RBPMS: variants seen among roughly 807,000 people sequenced by gnomAD.
The protein encoded by RBPMS is RNA binding protein, mRNA processing factor.
RBPMS carries 7 observed loss-of-function variants against 26.8 expected under a neutral mutation model. The observed-to-expected ratio is 0.26, with a 90% CI of 0.15 to 0.49. The LOEUF is 0.49. Ranked by LOEUF, RBPMS falls within the 20% of genes least tolerant of loss-of-function variation. The pLI, the probability that RBPMS is intolerant of heterozygous loss-of-function variation, is 0.98. For missense variants in RBPMS, 186 were observed against 250.0 expected, an observed-to-expected ratio of 0.74 and a Z score of 1.73; for synonymous variants, 96 against 93.3, an observed-to-expected ratio of 1.03 and a Z score of -0.17.
intron 5 of RBPMS, among the ~76,000 whole-genome samples, chr8:30,528,496 T>C (rs1823848742): frequency 6.6e-6 from 1 of 152,190 alleles, no homozygotes; most frequent in Non-Finnish European, 1.5e-5. Flanking sequence ...TTAACATAGT[T>C]CTGGGAACTG....
At chr8:30,541,505 T>C (rs771228467) in intron 5 of RBPMS, among the ~76,000 whole-genome samples, 24 of 152,158 alleles carry the variant, frequency 1.6e-4, no homozygotes, top group Non-Finnish European at 3.1e-4. Context: ...GGGAAAGGAT[T>C]TGCCCTGCCT....
At chr8:30,520,868 A>G (rs557747763) in intron 5 of RBPMS, among the ~76,000 whole-genome samples, 2 of 152,258 alleles carry the variant, frequency 1.3e-5, no homozygotes, top group African/African-American at 4.8e-5. Context: ...ATTAGGAACT[A>G]CAGTAGAACA....
Position 30,529,471 on chromosome 8 carries a change from C to T in RBPMS, c.398-15023C>T, listed in dbSNP as rs1823965190. Among the ~76,000 whole-genome samples, 3 of 151,874 alleles carry T rather than the reference C, an allele frequency of 2.0e-5. No individual in the cohort carries two copies. In the South Asian group the frequency reaches 6.2e-4, roughly 32 times the overall value. ...GAGCTGAGATGGTGCCATTGCACTC[C>T]AGCCTGAGCAACAAGAGCAAAACTC... is the stretch of plus-strand genomic sequence containing the variant. On this transcript the variant is annotated intron_variant, in intron 5 of 8. Coordinates refer to ENST00000397323, the MANE Select transcript of RBPMS (RefSeq NM_001008710.3).
At chr8:30,539,629 TTTTC>T (rs1825164433) in intron 5 of RBPMS, among the ~76,000 whole-genome samples, 2 of 141,428 alleles carry the variant, frequency 1.4e-5, no homozygotes, top group African/African-American at 5.2e-5. Context: ...TTAAAAAATC[TTTTC>T]TTTTTTTTTT....
chr8:30,485,699 C>CA (rs34718838), intron 4 of RBPMS, among the ~76,000 whole-genome samples: 3 of 152,136 alleles, frequency 2.0e-5, no homozygotes, highest in Non-Finnish European at 2.9e-5. Context: ...GAACTCCCCC[C>CA]AAAGAAAATT....
intron 1 of RBPMS, among the ~76,000 whole-genome samples, chr8:30,393,356 A>G (rs911312546): frequency 6.6e-6 from 1 of 152,058 alleles, no homozygotes; most frequent in Admixed American, 6.6e-5. Flanking sequence ...TGCACCTAAA[A>G]GGAAAGATCA....
chr8:30,533,526 G>C (rs1274044105), intron 5 of RBPMS, among the ~76,000 whole-genome samples: 1 of 152,130 alleles, frequency 6.6e-6, no homozygotes, highest in Non-Finnish European at 1.5e-5. Context: ...TGCTCCTGTA[G>C]GTTTTTCTTG....
At chr8:30,387,799 C>T (rs1393899724) in intron 1 of RBPMS, among the ~76,000 whole-genome samples, 1 of 152,164 alleles carries the variant, frequency 6.6e-6, no homozygotes, top group Non-Finnish European at 1.5e-5. Flanking sequence ...TTCCTTCTAT[C>T]AATCAGTGTA....
At chr8:30,555,383 G>A (rs1414033590) in intron 6 of RBPMS, among the ~76,000 whole-genome samples, 1 of 152,190 alleles carries the variant, frequency 6.6e-6, no homozygotes, top group Non-Finnish European at 1.5e-5. Context: ...TCCCAGGGTC[G>A]TCCACGTTGC....
At chr8:30,527,126 A>G (rs1375462224) in intron 5 of RBPMS, among the ~76,000 whole-genome samples, 1 of 152,202 alleles carries the variant, frequency 6.6e-6, no homozygotes, top group Non-Finnish European at 1.5e-5. Context: ...TTCTCATCTA[A>G]AGATACTCTG....
At chr8:30,501,270 C>T (rs1333436777) in intron 4 of RBPMS, among the ~76,000 whole-genome samples, 3 of 138,442 alleles carry the variant, frequency 2.2e-5, no homozygotes, top group African/African-American at 7.8e-5. Context: ...ACCCCTGACC[C>T]CTCCCACCCC....
At chr8:30,412,980 C>A (rs1368876918) in intron 1 of RBPMS, among the ~76,000 whole-genome samples, 1 of 152,232 alleles carries the variant, frequency 6.6e-6, no homozygotes, top group Non-Finnish European at 1.5e-5. Flanking sequence ...TTGTTTAACA[C>A]CCTCACTTAA....
chr8:30,515,558 T>C (rs536307145), intron 5 of RBPMS, among the ~76,000 whole-genome samples: 89 of 152,356 alleles, frequency 5.8e-4, no homozygotes, highest in African/African-American at 2.0e-3. Flanking sequence ...TTAAACTAGA[T>C]ACTAAAGAGA....
chr8:30,438,428 C>A (rs1812715247), intron 1 of RBPMS, among the ~76,000 whole-genome samples: 1 of 152,122 alleles, frequency 6.6e-6, no homozygotes, highest in Non-Finnish European at 1.5e-5. Flanking sequence ...AAAATAGCAG[C>A]CAAAAATGCC....
rs76298299 is a variant in RBPMS at position 30,564,734 on chromosome 8, C to G, written c.*8-1523C>G. The G allele has an allele frequency of 2.6e-5, 4 of 152,478 alleles. No individual in the cohort carries two copies. The East Asian group carries it at 7.7e-4, about 29-fold the overall frequency. The allele number at this position is 152,478 out of a possible 1,614,324, so 9.4% of individuals were successfully genotyped here. A position where few individuals can be genotyped will look rare whatever the true frequency, so the allele number is the denominator to read the frequency against. On this transcript the variant is annotated intron_variant, in intron 7 of 8. Coordinates refer to ENST00000397323, the MANE Select transcript of RBPMS (RefSeq NM_001008710.3). ...GGAAGAAGTTCAAAGAGGGTAGCCA[C>G]GTGTTCAGACCAGGCCATGGGGTCT...
Position 30,542,750 on chromosome 8 carries a change from A to T in RBPMS, c.398-1744A>T, listed in dbSNP as rs1825513584. ...CAAGGCATTGGTTCTGGTAGCAGTT[A>T]GTTTCCACTAGCTGGGCTCCCACGT... On this transcript the variant is annotated intron_variant, in intron 5 of 8. Coordinates refer to ENST00000397323, the MANE Select transcript of RBPMS (RefSeq NM_001008710.3). 3.3e-5 allele frequency among the ~76,000 whole-genome samples: 5 copies of T among 152,360 alleles called. No homozygotes were observed. The South Asian group carries it at 1.0e-3, about 32-fold the overall frequency.
intron 5 of RBPMS, among the ~76,000 whole-genome samples, chr8:30,538,238 T>C (rs1316777252): frequency 1.3e-5 from 2 of 151,990 alleles, no homozygotes; most frequent in Admixed American, 6.6e-5. Flanking sequence ...GGAAAACACC[T>C]CCTTTGAGCT....
chr8:30,547,823 T>C (rs1330689251), intron 6 of RBPMS, among the ~76,000 whole-genome samples: 2 of 152,188 alleles, frequency 1.3e-5, no homozygotes, highest in Admixed American at 6.5e-5. Flanking sequence ...GTGAAACGTG[T>C]GGGTGCAGTG....
chr8:30,393,474 T>G (rs187601367), intron 1 of RBPMS, among the ~76,000 whole-genome samples: 106 of 152,294 alleles, frequency 7.0e-4, no homozygotes, highest in Middle Eastern at 3.4e-3. Flanking sequence ...AGGATGAGCC[T>G]TTGGCCAGCA....
Sources: gnomAD v4.1 joint callset for allele counts (sites outside exome capture counted in the v4.1 genomes callset) on GRCh38, gnomAD v4.1.1 for gene constraint, MANE v1.5 for transcripts, NCBI Gene and HGNC (gene_info 2026-07-23, HGNC 2026-07-21) for gene names.